INPP4A: variants seen among roughly 807,000 people sequenced by gnomAD.
INPP4A encodes inositol polyphosphate-4-phosphatase type I A.
In INPP4A, 33 loss-of-function variants were observed where a neutral mutation model predicts 119.8. That is an observed-to-expected ratio of 0.28 (90% CI 0.21 to 0.37). The LOEUF (loss-of-function observed/expected upper bound fraction) is 0.37. Among genes scored for constraint, INPP4A ranks in the 10% least tolerant of loss-of-function variants. The pLI is 1.00. For missense variants in INPP4A, 956 were observed against 1,289.9 expected, an observed-to-expected ratio of 0.74 and a Z score of 3.97; for synonymous variants, 496 against 500.7, an observed-to-expected ratio of 0.99 and a Z score of 0.12.
At chr2:98,488,934 ACT>A (rs1558931491) in intron 1 of INPP4A, among the ~76,000 whole-genome samples, 1 of 122,088 alleles carries the variant, frequency 8.2e-6, no homozygotes, top group Non-Finnish European at 1.7e-5. Flanking sequence ...GAGTACATGC[ACT>A]GTGTGTGTGT....
intron 1 of INPP4A, among the ~76,000 whole-genome samples, chr2:98,469,802 C>G (rs1397201341): frequency 6.6e-6 from 1 of 152,124 alleles, no homozygotes; most frequent in Non-Finnish European, 1.5e-5. Flanking sequence ...GAAATTCCGT[C>G]TCAAACAACA....
rs1700413517 is a variant in INPP4A, at chr2:98,591,732, G to C, written c.*4124G>C. 6.6e-6 allele frequency: 1 copy of C among 152,362 alleles called. No homozygotes were observed. The highest frequency in any genetic ancestry group is 2.4e-5 in the African/African-American group (1 of 41,450). The allele number at this position is 152,362 out of a possible 1,614,324, so 9.4% of individuals were successfully genotyped here. ...AAGGTAAGAGGAGCTGGAGGTTGGA[G>C]CTTCCCGATTTGTGATTTTTCCAAG... On this transcript the variant is annotated 3_prime_UTR_variant, in exon 25 of 25. Transcript: ENST00000409851.
chr2:98,487,129 G>T (rs969513948), intron 1 of INPP4A, among the ~76,000 whole-genome samples: 1 of 152,244 alleles, frequency 6.6e-6, no homozygotes, highest in Non-Finnish European at 1.5e-5. Context: ...CTGCCAGGCT[G>T]TTGTTAACAT....
At position 98,590,782 on chromosome 2, in the gene INPP4A, T is replaced by C. The variant is rs907260164; in HGVS notation, c.*3174T>C. 8.8e-6 allele frequency: 2 copies of C among 226,828 alleles called. No individual in the cohort carries two copies. The highest frequency in any genetic ancestry group is 1.8e-5 in the Non-Finnish European group (2 of 114,172). 14.1% of individuals were successfully genotyped at this position (226,828 alleles called of 1,614,324 possible). A position where few individuals can be genotyped will look rare whatever the true frequency, so the allele number is the denominator to read the frequency against. ...GTACAATTAAAGGATGATTGAAATG[T>C]TTAACTCTTGGAGTTTTTAGTATTA... On this transcript the variant is annotated 3_prime_UTR_variant, in exon 25 of 25. Coordinates refer to ENST00000409851, the MANE Select transcript of INPP4A (RefSeq NM_001134225.2).
chr2:98,529,595 G>A (rs904949561), intron 4 of INPP4A, among the ~76,000 whole-genome samples: 2 of 152,092 alleles, frequency 1.3e-5, no homozygotes, highest in South Asian at 4.1e-4. Context: ...AATTAGCTGG[G>A]CGTGGTGGTG....
chr2:98,537,719 AC>A, intron 7 of INPP4A, 143 bp from the exon 8 acceptor site: 3 of 641,648 alleles, frequency 4.7e-6, no homozygotes, highest in Non-Finnish European at 8.6e-6. Context: ...CCCTGTGTGC[AC>A]AGTGAATGCT....
intron 19 of INPP4A, 127 bp downstream of exon 19, chr2:98,564,890 C>T: frequency 8.5e-7 from 1 of 1,176,880 alleles, no homozygotes; most frequent in Non-Finnish European, 1.2e-6. Context: ...TATATAACAG[C>T]AGACCAGATG....
chr2:98,461,607 G>A (rs553925395), intron 1 of INPP4A, among the ~76,000 whole-genome samples: 13 of 152,350 alleles, frequency 8.5e-5, no homozygotes, highest in African/African-American at 2.9e-4. Flanking sequence ...ATGTGGTAAA[G>A]CCTGTTTCCT....
intron 24 of INPP4A, among the ~76,000 whole-genome samples, chr2:98,586,990 G>C (rs576334173): frequency 6.6e-6 from 1 of 152,238 alleles, no homozygotes; most frequent in East Asian, 1.9e-4. Context: ...TTTGCTACAT[G>C]TTGAATTCTG....
chr2:98,581,507 CT>C (rs1699300625), intron 24 of INPP4A: 4 of 1,441,460 alleles, frequency 2.8e-6, no homozygotes, highest in Middle Eastern at 1.9e-4. Context: ...CATGTGTCTT[CT>C]TTTTTTCTTT....
chr2:98,484,513 A>G (rs1679155869), intron 1 of INPP4A, among the ~76,000 whole-genome samples: 1 of 152,176 alleles, frequency 6.6e-6, no homozygotes, highest in Non-Finnish European at 1.5e-5. Context: ...GATTCGAGGC[A>G]GCCTGTGGAA....
At chr2:98,462,447 C>G (rs1673769361) in intron 1 of INPP4A, among the ~76,000 whole-genome samples, 1 of 151,770 alleles carries the variant, frequency 6.6e-6, no homozygotes, top group African/African-American at 2.4e-5. Context: ...GACTCTGTCT[C>G]AAAAATAAAT....
At chr2:98,507,802 G>GT in intron 1 of INPP4A, among the ~76,000 whole-genome samples, 1 of 152,318 alleles carries the variant, frequency 6.6e-6, no homozygotes, top group Non-Finnish European at 1.5e-5. Flanking sequence ...GCTCAGCCAT[G>GT]TTCCTGCTGA....
At chr2:98,542,307 TTAA>T (rs1691622780) in intron 10 of INPP4A, among the ~76,000 whole-genome samples, 2 of 152,258 alleles carry the variant, frequency 1.3e-5, no homozygotes, top group African/African-American at 4.8e-5. Context: ...TTTTGCTATT[TTAA>T]TAATAATAAA....
intron 1 of INPP4A, among the ~76,000 whole-genome samples, chr2:98,454,382 CTG>C (rs200835719): frequency 0.012 from 1,812 of 152,164 alleles, 33 homozygotes; most frequent in African/African-American, 0.042. Flanking sequence ...TTTGGCATGT[CTG>C]TGTTTGTTTT....
intron 1 of INPP4A, among the ~76,000 whole-genome samples, chr2:98,505,248 A>G (rs1042975330): frequency 6.6e-6 from 1 of 152,224 alleles, no homozygotes; most frequent in African/African-American, 2.4e-5. Context: ...AGGAGGTGGC[A>G]TGGATGCCCA....
At position 98,537,845 on chromosome 2, in the gene INPP4A, G is replaced by T; in HGVS notation, c.468-18G>T. 6.4e-7 allele frequency: 1 copy of T among 1,556,238 alleles called. No homozygotes were observed. Among genetic ancestry groups the T allele is most frequent in the Non-Finnish European group, 8.8e-7 (1 of 1,132,548 alleles). ...CACAGTTGCAGCACCACTCATTAAAGCATGTTGTGCATCACAGGTCTGCAG... is the reference window on the plus strand; with the variant it reads ...CACAGTTGCAGCACCACTCATTAAATCATGTTGTGCATCACAGGTCTGCAG... On this transcript the variant is annotated intron_variant, in intron 7 of 24. Coordinates refer to ENST00000409851, the MANE Select transcript of INPP4A (RefSeq NM_001134225.2).
chr2:98,498,753 AAG>A (rs996308407), intron 1 of INPP4A, among the ~76,000 whole-genome samples: 10 of 152,208 alleles, frequency 6.6e-5, no homozygotes, highest in Non-Finnish European at 1.2e-4. Context: ...TAGGACATAA[AAG>A]TAGAACCCTA....
intron 1 of INPP4A, among the ~76,000 whole-genome samples, chr2:98,481,334 GA>G (rs1261668912): frequency 2.0e-5 from 3 of 152,138 alleles, no homozygotes; most frequent in Admixed American, 6.5e-5. Flanking sequence ...TCCCTGGGGG[GA>G]AAGAAATGGC....
Sources: allele counts gnomAD v4.1 joint callset (sites outside exome capture counted in the v4.1 genomes callset), GRCh38; gene constraint gnomAD v4.1.1; transcripts MANE v1.5; gene names NCBI Gene and HGNC (gene_info 2026-07-23, HGNC 2026-07-21).